Variants in LRP1B observed in about 807,000 individuals in gnomAD.
LRP1B encodes LDL receptor related protein 1B, also known as low-density lipoprotein receptor-related protein 1B.
Under a neutral mutation model 556.6 loss-of-function variants are expected in LRP1B, and 217 were observed. The observed-to-expected ratio is 0.39, with a 90% CI of 0.35 to 0.44. The LOEUF (loss-of-function observed/expected upper bound fraction) is 0.44. Among genes scored for constraint, LRP1B ranks in the 20% least tolerant of loss-of-function variants. The pLI, the probability that LRP1B is intolerant of heterozygous loss-of-function variation, is 1.00. For missense variants in LRP1B, 5,053 were observed against 5,620.8 expected (o/e 0.90, Z 3.23); for synonymous variants, 2,047 against 1,865.8 (o/e 1.10, Z -2.50).
chr2:141,557,336 C>G (rs1006137527), intron 2 of LRP1B, among the ~76,000 whole-genome samples: 1 of 151,820 alleles, frequency 6.6e-6, no homozygotes, highest in African/African-American at 2.4e-5. Flanking sequence ...GGAGATAATG[C>G]AAGAAAGAAA....
chr2:141,489,079 A>G (rs1683233550), intron 2 of LRP1B, among the ~76,000 whole-genome samples: 2 of 145,392 alleles, frequency 1.4e-5, no homozygotes. Context: ...GGGCTGAAGC[A>G]AACCTCCCAC....
intron 3 of LRP1B, among the ~76,000 whole-genome samples, chr2:141,293,660 T>G (rs574602937): frequency 2.5e-4 from 38 of 152,210 alleles, no homozygotes; most frequent in African/African-American, 8.7e-4. Context: ...AATTTTACTT[T>G]TTTTCTTTTA....
intron 35 of LRP1B, among the ~76,000 whole-genome samples, chr2:140,759,678 A>G (rs759499668): frequency 9.9e-5 from 15 of 152,210 alleles, no homozygotes; most frequent in Non-Finnish European, 1.6e-4. Context: ...TTTGTGGCCA[A>G]GGAACTCTGG....
At chr2:141,701,744 T>G (rs548256150) in intron 2 of LRP1B, among the ~76,000 whole-genome samples, 1 of 151,932 alleles carries the variant, frequency 6.6e-6, no homozygotes, top group African/African-American at 2.4e-5. Flanking sequence ...AGTCTTCTCA[T>G]GCTAAACTAT....
intron 63 of LRP1B, among the ~76,000 whole-genome samples, chr2:140,446,182 A>G (rs1686652414): frequency 6.6e-6 from 1 of 151,990 alleles, no homozygotes; most frequent in Non-Finnish European, 1.5e-5. Context: ...CCTCTATTTC[A>G]TTTTGCTTTG....
chr2:140,707,135 C>A (rs149502532), intron 37 of LRP1B, among the ~76,000 whole-genome samples: 1,909 of 152,144 alleles, frequency 0.013, 79 homozygotes, highest in Admixed American at 0.071. Flanking sequence ...CCCTAGAGCT[C>A]GAATTTGAGT....
chr2:142,035,300 G>T (rs1429187809), intron 1 of LRP1B, among the ~76,000 whole-genome samples: 1 of 151,524 alleles, frequency 6.6e-6, no homozygotes, highest in Non-Finnish European at 1.5e-5. Context: ...ACACTATGGC[G>T]ATACTCCAGC....
intron 3 of LRP1B, among the ~76,000 whole-genome samples, chr2:141,407,525 G>A (rs1232657661): frequency 6.6e-6 from 1 of 152,112 alleles, no homozygotes; most frequent in Non-Finnish European, 1.5e-5. Flanking sequence ...CCTCATGAAT[G>A]GCTTGGGCAA....
At chr2:140,407,315 T>C (rs1684783218) in intron 66 of LRP1B, among the ~76,000 whole-genome samples, 1 of 151,828 alleles carries the variant, frequency 6.6e-6, no homozygotes, top group Admixed American at 6.6e-5. Flanking sequence ...CAAAAGCAAA[T>C]GTGACAAATA....
At chr2:140,557,111 C>T (rs967373036) in intron 43 of LRP1B, among the ~76,000 whole-genome samples, 2 of 152,206 alleles carry the variant, frequency 1.3e-5, no homozygotes, top group African/African-American at 4.8e-5. Context: ...AAATTTATTA[C>T]AGTACGATTT....
chr2:142,113,289 G>T (rs1455964671), intron 1 of LRP1B, among the ~76,000 whole-genome samples: 2 of 151,966 alleles, frequency 1.3e-5, no homozygotes, highest in African/African-American at 4.8e-5. Context: ...TTCAATATGG[G>T]TGTTACATTA....
chr2:141,859,729 T>C (rs1021452527), intron 1 of LRP1B, among the ~76,000 whole-genome samples: 21 of 152,202 alleles, frequency 1.4e-4, no homozygotes, highest in African/African-American at 5.1e-4. Context: ...TTACACAGTA[T>C]ACATGTAGCA....
At chr2:141,586,665 G>T (rs370787572) in intron 2 of LRP1B, among the ~76,000 whole-genome samples, 5 of 152,122 alleles carry the variant, frequency 3.3e-5, no homozygotes, top group South Asian at 2.1e-4. Flanking sequence ...AAAGGGGGCC[G>T]GGCGCGGTGG....
At chr2:140,561,442 C>T (rs555432633) in intron 43 of LRP1B, among the ~76,000 whole-genome samples, 2 of 152,218 alleles carry the variant, frequency 1.3e-5, no homozygotes, top group East Asian at 3.9e-4. Flanking sequence ...AAAAATGAAT[C>T]ATTTTCCTTG....
intron 2 of LRP1B, among the ~76,000 whole-genome samples, chr2:141,515,888 T>A (rs1254198271): frequency 4.6e-5 from 7 of 152,216 alleles, no homozygotes; most frequent in African/African-American, 1.7e-4. Context: ...ACGGTGGGTT[T>A]ACATCTATCA....
intron 1 of LRP1B, among the ~76,000 whole-genome samples, chr2:142,011,702 A>G (rs1702965093): frequency 6.6e-6 from 1 of 152,214 alleles, no homozygotes; most frequent in African/African-American, 2.4e-5. Context: ...ACCATTCTAG[A>G]ATCTCTGAAA....
intron 2 of LRP1B, among the ~76,000 whole-genome samples, chr2:141,807,126 A>G (rs1279505488): frequency 6.6e-6 from 1 of 152,072 alleles, no homozygotes; most frequent in Non-Finnish European, 1.5e-5. Context: ...AAAATTATGC[A>G]ATTATTTTAT....
chr2:140,360,512 A>G (rs2105141956), intron 72 of LRP1B, among the ~76,000 whole-genome samples: 1 of 151,704 alleles, frequency 6.6e-6, no homozygotes, highest in Middle Eastern at 3.4e-3. Context: ...GTTATTTTGA[A>G]GGCTAGATAT....
intron 1 of LRP1B, among the ~76,000 whole-genome samples, chr2:141,829,240 A>T (rs1173291240): frequency 6.6e-6 from 1 of 152,036 alleles, no homozygotes; most frequent in Non-Finnish European, 1.5e-5. Context: ...TTGTTCCTGG[A>T]TACTTGTAAG....
Sources: gnomAD v4.1 joint callset for allele counts (sites outside exome capture counted in the v4.1 genomes callset) on GRCh38, gnomAD v4.1.1 for gene constraint, MANE v1.5 for transcripts, NCBI Gene and HGNC (gene_info 2026-07-23, HGNC 2026-07-21) for gene names.